Variants in ICE2 observed in about 807,000 individuals in gnomAD.
ICE2 encodes the protein little elongation complex subunit 2.
ICE2 carries 87 observed loss-of-function variants against 105.4 expected under a neutral mutation model. The observed-to-expected ratio is 0.83, with a 90% CI of 0.69 to 0.99. The LOEUF (loss-of-function observed/expected upper bound fraction) is 0.99. ICE2 is among the 50% of genes least tolerant of loss of function. The probability of loss-of-function intolerance (pLI) is 0.00; values close to 1 mark genes in which losing one functional copy is unlikely to be tolerated. For missense variants in ICE2, 1,323 were observed against 1,146.7 expected, an observed-to-expected ratio of 1.15 and a Z score of -2.22; for synonymous variants, 399 against 392.0, an observed-to-expected ratio of 1.02 and a Z score of -0.21.
intron 6 of ICE2, among the ~76,000 whole-genome samples, chr15:60,455,677 G>A (rs991909838): frequency 2.6e-5 from 4 of 151,302 alleles, no homozygotes; most frequent in African/African-American, 9.7e-5. Flanking sequence ...AAGTGCGGTT[G>A]TATGATCTCA....
At chr15:60,450,569 T>C (rs965370911) in intron 9 of ICE2, among the ~76,000 whole-genome samples, 17 of 152,210 alleles carry the variant, frequency 1.1e-4, no homozygotes, top group African/African-American at 3.9e-4. Context: ...CAGAGCACTT[T>C]AAATACCATA....
intron 8 of ICE2, 57 bp downstream of exon 8, chr15:60,454,946 A>G: frequency 1.4e-6 from 2 of 1,425,002 alleles, no homozygotes; most frequent in South Asian, 2.8e-5. Context: ...ATGAGTGAGA[A>G]CATGCAGTCC....
chr15:60,437,437 C>A (rs117943828), intron 12 of ICE2, among the ~76,000 whole-genome samples: 1 of 151,256 alleles, frequency 6.6e-6, no homozygotes, highest in Non-Finnish European at 1.5e-5. Context: ...TCAGTTCAAG[C>A]GATCCTGCCT....
intron 3 of ICE2, among the ~76,000 whole-genome samples, chr15:60,474,734 T>A (rs571125391): frequency 1.8e-4 from 27 of 152,324 alleles, no homozygotes; most frequent in African/African-American, 6.5e-4. Flanking sequence ...TAAAGAAGTC[T>A]AAGTATAAAT....
At chr15:60,432,181 CTTTTTTTTT>C (rs35081421) in intron 13 of ICE2, among the ~76,000 whole-genome samples, 197 bp from the exon 14 acceptor site, 1 of 110,646 alleles carries the variant, frequency 9.0e-6, no homozygotes, top group African/African-American at 3.8e-5. Context: ...AAAAAATTTC[CTTTTTTTTT>C]TTTTTTTTTT....
chr15:60,463,564 G>A (rs1159185837), intron 5 of ICE2, among the ~76,000 whole-genome samples: 2 of 152,214 alleles, frequency 1.3e-5, no homozygotes, highest in Non-Finnish European at 2.9e-5. Flanking sequence ...CCTGAGGTCA[G>A]GAGTTCGAGA....
At chr15:60,467,470 T>C (rs1172913168) in intron 4 of ICE2, among the ~76,000 whole-genome samples, 1 of 152,222 alleles carries the variant, frequency 6.6e-6, no homozygotes, top group Non-Finnish European at 1.5e-5. Flanking sequence ...CCAATATTAG[T>C]GAAGATAGTT....
chr15:60,447,046 T>C (rs1470896260), intron 11 of ICE2, among the ~76,000 whole-genome samples: 2 of 152,154 alleles, frequency 1.3e-5, no homozygotes, highest in African/African-American at 2.4e-5. Flanking sequence ...AAAGAGAATT[T>C]CAAATATGAA....
At chr15:60,441,020 T>G (rs2063707990) in intron 12 of ICE2, 1 of 152,168 alleles carries the variant, frequency 6.6e-6, no homozygotes, top group African/African-American at 2.4e-5. Flanking sequence ...ACTGAAACCT[T>G]AATTTTTTTT....
chr15:60,454,543 T>C (rs1399346688), intron 8 of ICE2: 3 of 152,818 alleles, frequency 2.0e-5, no homozygotes, highest in Non-Finnish European at 2.9e-5. Flanking sequence ...ATTCATTTAG[T>C]AGTGCTGAGC....
chr15:60,464,180 T>C (rs900383303), intron 5 of ICE2, among the ~76,000 whole-genome samples: 14 of 152,108 alleles, frequency 9.2e-5, no homozygotes, highest in Non-Finnish European at 2.1e-4. Flanking sequence ...CACATCAATA[T>C]GGAAAAAAAC....
chr15:60,462,201 T>A (rs548913042), intron 5 of ICE2, among the ~76,000 whole-genome samples: 1 of 152,198 alleles, frequency 6.6e-6, no homozygotes, highest in Non-Finnish European at 1.5e-5. Flanking sequence ...AATGAATAAA[T>A]GATGCAATCA....
intron 5 of ICE2, among the ~76,000 whole-genome samples, chr15:60,460,975 C>T (rs1033429146): frequency 3.3e-5 from 5 of 151,946 alleles, no homozygotes; most frequent in African/African-American, 9.7e-5. Flanking sequence ...CTCCTTGTTG[C>T]GGGGGACATC....
chr15:60,439,942 T>A (rs2063684038), intron 12 of ICE2: 1 of 152,228 alleles, frequency 6.6e-6, no homozygotes, highest in Non-Finnish European at 1.5e-5. Flanking sequence ...CCATTTATGT[T>A]CCATTCAAAT....
intron 5 of ICE2, among the ~76,000 whole-genome samples, chr15:60,464,455 G>A (rs1437800286): frequency 6.6e-6 from 1 of 152,054 alleles, no homozygotes; most frequent in Admixed American, 6.6e-5. Context: ...CATTCCATAG[G>A]GTAATCAGGG....
intron 12 of ICE2, 23 bp from the exon 13 acceptor site, chr15:60,436,250 G>T: frequency 1.1e-6 from 1 of 948,088 alleles, no homozygotes; most frequent in Non-Finnish European, 1.5e-6. Context: ...ATCAAACTTA[G>T]AAAGAAGAAG....
At chr15:60,457,790 G>A (rs1429741062) in intron 5 of ICE2, among the ~76,000 whole-genome samples, 1 of 152,088 alleles carries the variant, frequency 6.6e-6, no homozygotes, top group Non-Finnish European at 1.5e-5. Context: ...CACAGATGTG[G>A]ACTAATATGG....
chr15:60,423,928 C>A (rs781085324), intron 15 of ICE2, among the ~76,000 whole-genome samples, 166 bp from the exon 16 acceptor site: 5 of 152,224 alleles, frequency 3.3e-5, no homozygotes, highest in Non-Finnish European at 7.3e-5. Flanking sequence ...TAATCTGACA[C>A]ATTTTTAAGT....
rs145521121 is a variant in ICE2, at chr15:60,476,437, TCA to T, written c.42-272_42-271del. Among the ~76,000 whole-genome samples the T allele has an allele frequency of 1.4e-3, 217 of 152,330 alleles. 1 individual carries two copies. Among genetic ancestry groups the T allele is most frequent in the South Asian group, 0.014 (68 of 4,832 alleles). The stretch of plus-strand genomic sequence containing the variant: ...TCTGTAGTACACAATTAAATAAATG[TCA>T]CAGAGACTGGAAAGTTAAAGATAGA... On this transcript the variant is annotated intron_variant, in intron 2 of 15. Coordinates refer to ENST00000261520, the MANE Select transcript of ICE2 (RefSeq NM_024611.6).
Sources: gnomAD v4.1 joint callset for allele counts (sites outside exome capture counted in the v4.1 genomes callset) on GRCh38, gnomAD v4.1.1 for gene constraint, MANE v1.5 for transcripts, NCBI Gene and HGNC (gene_info 2026-07-23, HGNC 2026-07-21) for gene names.